Variants in SLC35F2 observed in about 807,000 individuals in gnomAD.
The protein encoded by SLC35F2 is solute carrier family 35 member F2, also known as queuine/queuosine transporter SLC35F2.
Under a neutral mutation model 38.1 loss-of-function variants are expected in SLC35F2, and 25 were observed. The ratio of observed to expected loss-of-function variants is 0.66; its 90% CI spans 0.48 to 0.92. The LOEUF (loss-of-function observed/expected upper bound fraction) is 0.92, where lower values mean the gene tolerates loss of function less well. Among genes scored for constraint, SLC35F2 ranks in the 40% least tolerant of loss-of-function variants. The probability of loss-of-function intolerance (pLI) is 0.00; values close to 1 mark genes in which losing one functional copy is unlikely to be tolerated. For synonymous variants in SLC35F2, 173 were observed against 181.7 expected, an observed-to-expected ratio of 0.95 and a Z score of 0.38; for missense variants, 409 against 452.9, an observed-to-expected ratio of 0.90 and a Z score of 0.88.
At chr11:107,832,129 A>G (rs1486787938) in intron 1 of SLC35F2, among the ~76,000 whole-genome samples, 1 of 152,152 alleles carries the variant, frequency 6.6e-6, no homozygotes, top group Non-Finnish European at 1.5e-5. Context: ...GCAGTATTCT[A>G]TAACAATACA....
At chr11:107,793,197 C>T (rs528797475) in intron 7 of SLC35F2, among the ~76,000 whole-genome samples, 69 of 152,344 alleles carry the variant, frequency 4.5e-4, no homozygotes, top group African/African-American at 1.6e-3. Context: ...GGATTACAGG[C>T]GTGGGCCGCC....
intron 7 of SLC35F2, among the ~76,000 whole-genome samples, chr11:107,799,316 T>G (rs948403476): frequency 2.6e-5 from 4 of 152,198 alleles, no homozygotes; most frequent in Non-Finnish European, 4.4e-5. Context: ...CTGAGAATAG[T>G]AGTTTAAAGT....
In SLC35F2 at chr11:107,849,946, A is replaced by G. The variant is rs183797394; in HGVS notation, c.110+8712T>C. On this transcript the variant is annotated intron_variant, in intron 1 of 7. Transcript: ENST00000525815. ...GTCTGCCCCTTTAACAACTCCCTCCAGTGTTGAGAAATTAATAAAACAGGT... is the reference window on the plus strand; with the variant it reads ...GTCTGCCCCTTTAACAACTCCCTCCGGTGTTGAGAAATTAATAAAACAGGT... Among the ~76,000 whole-genome samples, 342 of 152,254 alleles carry G rather than the reference A, an allele frequency of 2.2e-3. 3 individuals are homozygous for G. The highest frequency in any genetic ancestry group is 7.6e-3 in the African/African-American group (317 of 41,544).
At chr11:107,811,822 A>G (rs1859485333) in intron 2 of SLC35F2, 28 bp from the exon 3 acceptor site, 3 of 1,598,952 alleles carry the variant, frequency 1.9e-6, no homozygotes, top group Admixed American at 1.7e-5. Context: ...GGGTTAGTAC[A>G]TGTTACTTGC....
At chr11:107,818,071 AAAAAGAAAGAAAGAAAGAAAG>A (rs1228816086) in intron 1 of SLC35F2, among the ~76,000 whole-genome samples, 3,098 of 105,868 alleles carry the variant, frequency 0.029, 109 homozygotes, top group African/African-American at 0.035. Flanking sequence ...AAAAAAAAAA[AAAAAGAAAGAAAGAAAGAAAG>A]AAAGAAAGAA....
chr11:107,803,069 CG>C lies in SLC35F2; in HGVS notation c.870del (p.Val291SerfsTer6). On this transcript the variant is annotated frameshift_variant, in exon 7 of 8. Coordinates refer to ENST00000525815, the MANE Select transcript of SLC35F2 (RefSeq NM_017515.5). LOFTEE classifies it high-confidence loss of function. The part of the protein sequence containing the change: ...PLVIKVTSAT[S>X]VNLGILTADL... ...TCCGCTGTCAGGATGCCCAGGTTGACGGAAGTGGCACTAGTGACTTTAATCA... is the reference window on the plus strand; with the variant it reads ...TCCGCTGTCAGGATGCCCAGGTTGACGAAGTGGCACTAGTGACTTTAATCA... 2 of 1,613,940 alleles carry C rather than the reference CG, an allele frequency of 1.2e-6. No individual in the cohort carries two copies. Among genetic ancestry groups the C allele is most frequent in the Non-Finnish European group, 8.5e-7 (1 of 1,179,944 alleles).
intron 1 of SLC35F2, among the ~76,000 whole-genome samples, chr11:107,856,706 T>C (rs982356848): frequency 7.0e-6 from 1 of 142,748 alleles, no homozygotes; most frequent in Non-Finnish European, 1.5e-5. Flanking sequence ...GGAAGGAAGG[T>C]GACAGAATGA....
At chr11:107,831,800 A>G (rs1490664927) in intron 1 of SLC35F2, among the ~76,000 whole-genome samples, 1 of 152,168 alleles carries the variant, frequency 6.6e-6, no homozygotes, top group Non-Finnish European at 1.5e-5. Context: ...TACCAAATGA[A>G]CTGATCATGA....
chr11:107,836,850 A>C (rs770286403), intron 1 of SLC35F2, among the ~76,000 whole-genome samples: 2 of 152,250 alleles, frequency 1.3e-5, no homozygotes, highest in African/African-American at 2.4e-5. Context: ...TACAAAGTCA[A>C]CAATGCATGT....
chr11:107,829,553 C>T (rs558893966), intron 1 of SLC35F2, among the ~76,000 whole-genome samples: 1 of 152,144 alleles, frequency 6.6e-6, no homozygotes, highest in Non-Finnish European at 1.5e-5. Flanking sequence ...GACTTCCCAG[C>T]CTTTAGAGCT....
chr11:107,832,549 T>A (rs1382295946), intron 1 of SLC35F2, among the ~76,000 whole-genome samples: 1 of 152,214 alleles, frequency 6.6e-6, no homozygotes, highest in Non-Finnish European at 1.5e-5. Context: ...ATGCCTGTAA[T>A]CCCAGCACTT....
intron 7 of SLC35F2, among the ~76,000 whole-genome samples, chr11:107,800,968 A>G (rs12803942): frequency 0.15 from 21,604 of 146,860 alleles, 2,582 homozygotes; most frequent in East Asian, 0.42. Context: ...GCAATGGCAC[A>G]ATCTTGGTTC....
intron 7 of SLC35F2, among the ~76,000 whole-genome samples, chr11:107,798,981 C>T: frequency 6.6e-6 from 1 of 152,178 alleles, no homozygotes; most frequent in East Asian, 1.9e-4. Flanking sequence ...GAGGCTGAAG[C>T]ACAAGAATTG....
chr11:107,842,761 C>T (rs115689445), intron 1 of SLC35F2, among the ~76,000 whole-genome samples: 388 of 152,284 alleles, frequency 2.5e-3, no homozygotes, highest in African/African-American at 9.0e-3. Context: ...CAATCACCTG[C>T]CCTATAAACC....
At chr11:107,843,712 G>T (rs768795176) in intron 1 of SLC35F2, among the ~76,000 whole-genome samples, 7 of 150,796 alleles carry the variant, frequency 4.6e-5, no homozygotes, top group Non-Finnish European at 7.4e-5. Context: ...TTAAAATTAG[G>T]TCTAGAGATG....
chr11:107,846,535 C>G (rs530085420), intron 1 of SLC35F2, among the ~76,000 whole-genome samples: 1 of 152,146 alleles, frequency 6.6e-6, no homozygotes, highest in African/African-American at 2.4e-5. Flanking sequence ...TTGTTCAGTA[C>G]AAACCAATTA....
intron 1 of SLC35F2, among the ~76,000 whole-genome samples, chr11:107,825,724 G>A (rs1371487896): frequency 2.0e-5 from 3 of 152,040 alleles, no homozygotes; most frequent in East Asian, 1.9e-4. Flanking sequence ...GCTGGTCCAC[G>A]GACCAGACTT....
intron 1 of SLC35F2, among the ~76,000 whole-genome samples, chr11:107,828,937 T>C (rs1202853191): frequency 1.3e-5 from 2 of 151,382 alleles, no homozygotes; most frequent in African/African-American, 4.9e-5. Flanking sequence ...TGAAACCCTG[T>C]CTCTACTAAA....
At chr11:107,837,524 C>T (rs1329901349) in intron 1 of SLC35F2, among the ~76,000 whole-genome samples, 1 of 56,816 alleles carries the variant, frequency 1.8e-5, no homozygotes, top group Admixed American at 1.4e-4. Context: ...CCTGTCTCTA[C>T]TAAAAAAAAA....
Sources: gnomAD v4.1 joint callset for allele counts (sites outside exome capture counted in the v4.1 genomes callset) on GRCh38, gnomAD v4.1.1 for gene constraint, MANE v1.5 for transcripts, NCBI Gene and HGNC (gene_info 2026-07-23, HGNC 2026-07-21) for gene names.